Variants in ITPR2 observed in about 807,000 individuals in gnomAD.
ITPR2 encodes inositol 1,4,5-trisphosphate receptor type 2.
A neutral mutation model predicts 317.1 loss-of-function variants in ITPR2; 207 were observed. The observed-to-expected ratio is 0.65, with a 90% CI of 0.58 to 0.73. ITPR2 has a LOEUF of 0.73. Ranked by LOEUF, ITPR2 falls within the 30% of genes least tolerant of loss-of-function variation. The pLI, the probability that ITPR2 is intolerant of heterozygous loss-of-function variation, is 0.00. For synonymous variants in ITPR2, 1,156 were observed against 1,149.1 expected, an observed-to-expected ratio of 1.01 and a Z score of -0.12; for missense variants, 2,613 against 3,284.0, an observed-to-expected ratio of 0.80 and a Z score of 4.99.
At chr12:26,498,163 T>C (rs1234749425) in intron 37 of ITPR2, among the ~76,000 whole-genome samples, 1 of 152,238 alleles carries the variant, frequency 6.6e-6, no homozygotes, top group African/African-American at 2.4e-5. Flanking sequence ...TCATGTTTTC[T>C]TTCTTTAAGA....
chr12:26,816,206 A>T (rs1432395733), intron 1 of ITPR2, among the ~76,000 whole-genome samples: 1 of 152,058 alleles, frequency 6.6e-6, no homozygotes, highest in Non-Finnish European at 1.5e-5. Flanking sequence ...AAAGAAACTC[A>T]TGCTGATTTT....
rs2230382 is a variant in ITPR2, at chr12:26,486,222, G to A, written c.5693C>T (p.Ala1898Val). 8,939 of 1,613,970 alleles carry A rather than the reference G, an allele frequency of 5.5e-3. 404 individuals are homozygous for A. In the African/African-American group the frequency reaches 0.1, roughly 19 times the overall value. The stretch of plus-strand genomic sequence containing the variant: ...TGCGGATTTTTCCTCAGTGTTTCCC[G>A]CTTCTGGTCCTGTGCACATAATGTC... ...EIDIMCTGPE[A>V]GNTEEKSAEE... Residue 1898 changes from alanine (A) to valine (V), a missense_variant, in exon 41 of 57, where the codon GCG becomes GTG. Coordinates refer to ENST00000381340, the MANE Select transcript of ITPR2 (RefSeq NM_002223.4).
At chr12:26,524,753 A>C (rs887803694) in intron 37 of ITPR2, among the ~76,000 whole-genome samples, 1 of 152,234 alleles carries the variant, frequency 6.6e-6, no homozygotes, top group Non-Finnish European at 1.5e-5. Context: ...TGACTTGTTT[A>C]TATCTCCACC....
At chr12:26,816,812 A>G (rs1448998712) in intron 1 of ITPR2, among the ~76,000 whole-genome samples, 1 of 152,166 alleles carries the variant, frequency 6.6e-6, no homozygotes, top group African/African-American at 2.4e-5. Context: ...CACATAATAA[A>G]CAGGTGAGAG....
At chr12:26,506,641 T>A (rs549995010) in intron 37 of ITPR2, among the ~76,000 whole-genome samples, 1 of 151,942 alleles carries the variant, frequency 6.6e-6, no homozygotes, top group Admixed American at 6.6e-5. Flanking sequence ...AGACAGACAA[T>A]TTCAATATTT....
intron 1 of ITPR2, among the ~76,000 whole-genome samples, chr12:26,808,639 T>C (rs1026552395): frequency 2.6e-5 from 4 of 152,136 alleles, no homozygotes; most frequent in Non-Finnish European, 4.4e-5. Flanking sequence ...CAAGGAATCT[T>C]GAAGACCCTC....
At chr12:26,660,652 T>C (rs767603906) in intron 15 of ITPR2, among the ~76,000 whole-genome samples, 1 of 152,230 alleles carries the variant, frequency 6.6e-6, no homozygotes, top group African/African-American at 2.4e-5. Flanking sequence ...GCTTTGTGTA[T>C]TGGGGAGCCA....
intron 26 of ITPR2, among the ~76,000 whole-genome samples, chr12:26,610,306 T>G (rs1240109239): frequency 6.6e-6 from 1 of 152,212 alleles, no homozygotes; most frequent in Non-Finnish European, 1.5e-5. Flanking sequence ...TACCAACACT[T>G]GGAAAAGGAG....
At chr12:26,461,570 C>A (rs1591804320) in intron 45 of ITPR2, among the ~76,000 whole-genome samples, 1 of 147,094 alleles carries the variant, frequency 6.8e-6, no homozygotes, top group South Asian at 2.1e-4. Context: ...GTAACAGAAA[C>A]CTGCAAATCA....
At chr12:26,519,768 C>T (rs1490985897) in intron 37 of ITPR2, among the ~76,000 whole-genome samples, 3 of 152,240 alleles carry the variant, frequency 2.0e-5, no homozygotes, top group African/African-American at 4.8e-5. Context: ...AAATGAAAAA[C>T]TACTGAAAAC....
At chr12:26,646,675 G>T (rs146312871) in intron 21 of ITPR2, among the ~76,000 whole-genome samples, 1 of 152,290 alleles carries the variant, frequency 6.6e-6, no homozygotes, top group Non-Finnish European at 1.5e-5. Context: ...AGGAAAGGAG[G>T]ATAATTCCAG....
chr12:26,653,113 A>G (rs1309189456), intron 21 of ITPR2, among the ~76,000 whole-genome samples: 1 of 152,158 alleles, frequency 6.6e-6, no homozygotes, highest in Non-Finnish European at 1.5e-5. Flanking sequence ...TCAAGGCAGG[A>G]TTTGAATACA....
chr12:26,690,333 T>A (rs1355702425), intron 10 of ITPR2, among the ~76,000 whole-genome samples: 1 of 147,056 alleles, frequency 6.8e-6, no homozygotes, highest in Non-Finnish European at 1.5e-5. Context: ...TCTCTCACCA[T>A]TGCCTAGTGT....
intron 1 of ITPR2, among the ~76,000 whole-genome samples, chr12:26,795,887 G>A (rs1275263548): frequency 6.6e-6 from 1 of 152,026 alleles, no homozygotes; most frequent in Non-Finnish European, 1.5e-5. Flanking sequence ...TGGAGACTGA[G>A]GCGGGAGAAT....
In ITPR2 at chr12:26,573,462, G is replaced by A. The variant is rs376422389; in HGVS notation, c.4630+5251C>T. ...TTTTATCATTTACATGCTAAAGGGGGGTGGGGCAGACAACAAAGAAGCAAT... is the reference window on the plus strand; with the variant it reads ...TTTTATCATTTACATGCTAAAGGGGAGTGGGGCAGACAACAAAGAAGCAAT... On this transcript the variant is annotated intron_variant, in intron 34 of 56. Transcript: ENST00000381340. 3.9e-5 allele frequency among the ~76,000 whole-genome samples: 6 copies of A among 152,180 alleles called. No individual in the cohort carries two copies. The East Asian group carries it at 5.8e-4, about 15-fold the overall frequency.
intron 13 of ITPR2, among the ~76,000 whole-genome samples, chr12:26,676,303 C>G (rs1947905590): frequency 6.6e-6 from 1 of 151,864 alleles, no homozygotes; most frequent in African/African-American, 2.4e-5. Context: ...ATGGTGAAAC[C>G]CTGTATCTAC....
intron 34 of ITPR2, among the ~76,000 whole-genome samples, chr12:26,576,404 TC>T (rs1945277655): frequency 6.6e-6 from 1 of 152,214 alleles, no homozygotes; most frequent in Non-Finnish European, 1.5e-5. Flanking sequence ...TTTTTGTGTG[TC>T]CTTCTTTATT....
At chr12:26,762,475 C>T (rs1203587539) in intron 2 of ITPR2, among the ~76,000 whole-genome samples, 1 of 152,148 alleles carries the variant, frequency 6.6e-6, no homozygotes. Context: ...AAGACTATTA[C>T]ACTCAGAAAT....
intron 32 of ITPR2, among the ~76,000 whole-genome samples, chr12:26,591,300 A>G (rs924624835): frequency 6.6e-6 from 1 of 152,200 alleles, no homozygotes; most frequent in African/African-American, 2.4e-5. Context: ...TCTCAAAAGA[A>G]GACATACAAA....
Sources: gnomAD v4.1 joint callset for allele counts (sites outside exome capture counted in the v4.1 genomes callset) on GRCh38, gnomAD v4.1.1 for gene constraint, MANE v1.5 for transcripts, NCBI Gene and HGNC (gene_info 2026-07-23, HGNC 2026-07-21) for gene names.